CSMD1: variants seen among roughly 807,000 people sequenced by gnomAD.
CSMD1 encodes CUB and sushi domain-containing protein 1.
Under a neutral mutation model 417.5 loss-of-function variants are expected in CSMD1, and 213 were observed. The ratio of observed to expected loss-of-function variants is 0.51; its 90% CI spans 0.46 to 0.57. The LOEUF is 0.57. Among genes scored for constraint, CSMD1 ranks in the 20% least tolerant of loss-of-function variants. CSMD1 has a pLI of 0.00. For missense variants in CSMD1, 6,923 were observed against 4,529.7 expected, an observed-to-expected ratio of 1.53 and a Z score of -15.17; for synonymous variants, 2,862 against 1,736.8, an observed-to-expected ratio of 1.65 and a Z score of -16.11.
intron 12 of CSMD1, among the ~76,000 whole-genome samples, chr8:3,460,052 G>C (rs1286933748): frequency 1.3e-5 from 2 of 152,188 alleles, no homozygotes. Context: ...GGGGCATAAA[G>C]AGGTCCTTGC....
chr8:4,808,932 A>G (rs1388358697), intron 1 of CSMD1, among the ~76,000 whole-genome samples: 1 of 152,216 alleles, frequency 6.6e-6, no homozygotes, highest in Non-Finnish European at 1.5e-5. Context: ...GGGGTCAGAG[A>G]TAGAAATCAT....
In CSMD1 at chr8:4,439,663, C is replaced by T. The variant is rs185523971; in HGVS notation, c.303-19598G>A. Among the ~76,000 whole-genome samples, 148 of 152,114 alleles carry T rather than the reference C, an allele frequency of 9.7e-4. 1 individual carries two copies. The highest frequency in any genetic ancestry group is 3.5e-3 in the African/African-American group (144 of 41,494). On this transcript the variant is annotated intron_variant, in intron 2 of 69. Transcript: ENST00000635120. ...GGCAAAATGGAAGTTGGTAGGAGTG[C>T]GTACTATGAAAATGTGTGCTTATTA...
intron 2 of CSMD1, among the ~76,000 whole-genome samples, chr8:4,429,547 G>C (rs1441735922): frequency 2.0e-5 from 3 of 152,152 alleles, no homozygotes; most frequent in African/African-American, 4.8e-5. Context: ...GCAAAAGCGT[G>C]AGACTCATTA....
intron 3 of CSMD1, among the ~76,000 whole-genome samples, chr8:4,338,847 T>G (rs1049117297): frequency 1.3e-5 from 2 of 152,112 alleles, no homozygotes; most frequent in Admixed American, 1.3e-4. Flanking sequence ...TATATTACTT[T>G]TTGAAAGAAG....
intron 2 of CSMD1, among the ~76,000 whole-genome samples, chr8:4,581,872 C>T (rs1025140407): frequency 1.3e-5 from 2 of 152,180 alleles, no homozygotes; most frequent in African/African-American, 4.8e-5. Context: ...CTACCTCCTC[C>T]AGATCTGCTG....
intron 21 of CSMD1, among the ~76,000 whole-genome samples, chr8:3,352,696 C>T (rs1808496330): frequency 6.6e-6 from 1 of 152,064 alleles, no homozygotes; most frequent in African/African-American, 2.4e-5. Flanking sequence ...AAACATTAAC[C>T]TCGCATGGTG....
chr8:4,856,474 T>C lies in CSMD1; in HGVS notation c.85+137858A>G, dbSNP rs1364470892. On this transcript the variant is annotated intron_variant, in intron 1 of 69. Transcript: ENST00000635120. The stretch of plus-strand genomic sequence containing the variant: ...CAATTAAAAGACACAGACTGGCAAA[T>C]TGGATAAATAGTCAACACCCATCAG... 4.3e-5 allele frequency among the ~76,000 whole-genome samples: 6 copies of C among 139,918 alleles called. 2 individuals carry two copies. The highest frequency in any genetic ancestry group is 1.4e-4 in the Admixed American group (2 of 14,636). The allele number at this position is 139,918 out of a possible 152,430, so 91.8% of individuals were successfully genotyped here.
chr8:4,477,604 T>A (rs976236388), intron 2 of CSMD1, among the ~76,000 whole-genome samples: 1 of 152,330 alleles, frequency 6.6e-6, no homozygotes, highest in African/African-American at 2.4e-5. Context: ...CTATTTAAAC[T>A]GACTTCTGCA....
chr8:3,609,933 C>T (rs770863992), intron 8 of CSMD1, among the ~76,000 whole-genome samples: 1 of 143,900 alleles, frequency 6.9e-6, no homozygotes, highest in Non-Finnish European at 1.5e-5. Context: ...TCCCAAGTAG[C>T]TGGGACTACG....
At chr8:4,883,673 G>C (rs114682605) in intron 1 of CSMD1, among the ~76,000 whole-genome samples, 1 of 151,774 alleles carries the variant, frequency 6.6e-6, no homozygotes, top group Admixed American at 6.6e-5. Flanking sequence ...TTTTTATTGC[G>C]GAATAATAAC....
At chr8:3,624,564 C>G (rs1796403608) in intron 7 of CSMD1, among the ~76,000 whole-genome samples, 1 of 152,142 alleles carries the variant, frequency 6.6e-6, no homozygotes, top group Non-Finnish European at 1.5e-5. Context: ...TTGAGACAAA[C>G]TGTAACCATT....
At chr8:4,815,589 G>C (rs536380646) in intron 1 of CSMD1, among the ~76,000 whole-genome samples, 56 of 151,274 alleles carry the variant, frequency 3.7e-4, no homozygotes, top group African/African-American at 1.3e-3. Context: ...CCAGCTATTT[G>C]GGAGGCTGAG....
intron 2 of CSMD1, among the ~76,000 whole-genome samples, chr8:4,508,317 T>C (rs1802641212): frequency 6.6e-6 from 1 of 152,114 alleles, no homozygotes; most frequent in African/African-American, 2.4e-5. Context: ...GATATGTTTT[T>C]CCTTCGAGAA....
chr8:3,863,879 T>C (rs1257480277), intron 5 of CSMD1, among the ~76,000 whole-genome samples: 6 of 152,158 alleles, frequency 3.9e-5, no homozygotes, highest in African/African-American at 1.4e-4. Flanking sequence ...GTTTCAAAGA[T>C]TCGTATGATG....
At chr8:4,472,256 G>A (rs540304644) in intron 2 of CSMD1, among the ~76,000 whole-genome samples, 42 of 152,106 alleles carry the variant, frequency 2.8e-4, no homozygotes, top group Admixed American at 9.8e-4. Flanking sequence ...CTTTTGCACA[G>A]CCTCAGATGC....
At position 4,378,260 on chromosome 8, in the gene CSMD1, C is replaced by T. The variant is rs146844129; in HGVS notation, c.415+41693G>A. Among the ~76,000 whole-genome samples the T allele has an allele frequency of 3.1e-3, 476 of 152,290 alleles. 6 individuals are homozygous for T. Among genetic ancestry groups the T allele is most frequent in the African/African-American group, 0.011 (459 of 41,548 alleles). On this transcript the variant is annotated intron_variant, in intron 3 of 69. Coordinates refer to ENST00000635120, the MANE Select transcript of CSMD1 (RefSeq NM_033225.6). ...AAATTACTTTTCTATTAACATTTGT[C>T]AATACATTGTCCCTGTTATATAATC...
intron 5 of CSMD1, among the ~76,000 whole-genome samples, chr8:3,926,777 G>A (rs552976841): frequency 6.9e-5 from 9 of 130,282 alleles, no homozygotes; most frequent in South Asian, 4.7e-4. Context: ...ATGCAGTGTC[G>A]TGATCTCAGC....
intron 31 of CSMD1, among the ~76,000 whole-genome samples, chr8:3,204,282 A>C (rs2116745507): frequency 6.6e-6 from 1 of 152,314 alleles, no homozygotes; most frequent in Non-Finnish European, 1.5e-5. Context: ...TTTTGTATTT[A>C]ACTAAAATCA....
chr8:4,293,178 C>A (rs910905790), intron 3 of CSMD1, among the ~76,000 whole-genome samples: 2 of 152,018 alleles, frequency 1.3e-5, no homozygotes, highest in African/African-American at 4.8e-5. Flanking sequence ...GAGGACTGAA[C>A]CTCCCTGGCA....
Sources: gnomAD v4.1 joint callset for allele counts (sites outside exome capture counted in the v4.1 genomes callset) on GRCh38, gnomAD v4.1.1 for gene constraint, MANE v1.5 for transcripts, NCBI Gene and HGNC (gene_info 2026-07-23, HGNC 2026-07-21) for gene names.